Variants in PTPRT observed in about 807,000 individuals in gnomAD.
The protein encoded by PTPRT is protein tyrosine phosphatase receptor type T, also known as receptor-type tyrosine-protein phosphatase T.
PTPRT carries 56 observed loss-of-function variants against 176.8 expected under a neutral mutation model. The observed-to-expected ratio is 0.32, with a 90% CI of 0.26 to 0.40. The LOEUF is 0.40. Among genes scored for constraint, PTPRT ranks in the 10% least tolerant of loss-of-function variants. The pLI, the probability that PTPRT is intolerant of heterozygous loss-of-function variation, is 1.00. For synonymous variants in PTPRT, 783 were observed against 739.0 expected (o/e 1.06, Z -0.96); for missense variants, 1,540 against 1,908.2 (o/e 0.81, Z 3.60).
intron 6 of PTPRT, among the ~76,000 whole-genome samples, chr20:42,720,227 C>T (rs747037922): frequency 2.6e-5 from 4 of 152,152 alleles, no homozygotes; most frequent in Non-Finnish European, 5.9e-5. Flanking sequence ...TGTACCGAAC[C>T]GTGGGCTTAC....
intron 1 of PTPRT, among the ~76,000 whole-genome samples, chr20:43,167,244 C>A (rs1445318502): frequency 6.6e-6 from 1 of 152,170 alleles, no homozygotes; most frequent in African/African-American, 2.4e-5. Context: ...AGACATACAG[C>A]AACAAAGAAA....
intron 7 of PTPRT, among the ~76,000 whole-genome samples, chr20:42,570,738 C>T (rs1448013474): frequency 6.6e-6 from 1 of 152,052 alleles, no homozygotes; most frequent in East Asian, 1.9e-4. Flanking sequence ...AGAAGATTTC[C>T]CCTCTTCCTC....
intron 7 of PTPRT, among the ~76,000 whole-genome samples, chr20:42,671,420 C>A (rs2075410659): frequency 6.6e-6 from 1 of 152,292 alleles, no homozygotes; most frequent in East Asian, 1.9e-4. Context: ...TAAGACCCAA[C>A]TCCTATCACA....
chr20:43,115,473 C>T (rs913199528), intron 1 of PTPRT, among the ~76,000 whole-genome samples: 5 of 152,126 alleles, frequency 3.3e-5, no homozygotes, highest in Admixed American at 6.5e-5. Context: ...GATACCCCAT[C>T]GATGATACCA....
intron 3 of PTPRT, among the ~76,000 whole-genome samples, chr20:42,786,073 C>G (rs1331670410): frequency 6.6e-6 from 1 of 152,096 alleles, no homozygotes; most frequent in African/African-American, 2.4e-5. Flanking sequence ...TTTGACAGTT[C>G]CTCCTTCACA....
chr20:42,738,484 G>A (rs1268157884), intron 6 of PTPRT, among the ~76,000 whole-genome samples: 10 of 151,926 alleles, frequency 6.6e-5, no homozygotes, highest in Admixed American at 4.6e-4. Flanking sequence ...ACTTCAGCCT[G>A]GGCAACAGAG....
At chr20:42,997,591 T>C (rs1984293444) in intron 1 of PTPRT, among the ~76,000 whole-genome samples, 1 of 152,138 alleles carries the variant, frequency 6.6e-6, no homozygotes, top group African/African-American at 2.4e-5. Context: ...AAAATGAATA[T>C]GCATGAGCAA....
In PTPRT at chr20:42,278,073, CTATATATATATA is replaced by C. The variant is rs777694770; in HGVS notation, c.2176+4404_2176+4415del. Among the ~76,000 whole-genome samples the C allele has an allele frequency of 8.3e-3, 323 of 39,148 alleles. 1 individual carries two copies. Among genetic ancestry groups the C allele is most frequent in the Non-Finnish European group, 0.013 (240 of 18,756 alleles). The allele number at this position is 39,148 out of a possible 152,430, so 25.7% of individuals were successfully genotyped here. ...GATAGACATTAAACATGTAAGTAGA[CTATATATATATA>C]TATATATATATATATATATATATAT... is the stretch of plus-strand genomic sequence containing the variant. On this transcript the variant is annotated intron_variant, in intron 13 of 30. Transcript: ENST00000373187.
intron 13 of PTPRT, among the ~76,000 whole-genome samples, chr20:42,262,226 C>A (rs2056761978): frequency 1.3e-5 from 2 of 152,136 alleles, no homozygotes; most frequent in African/African-American, 4.8e-5. Flanking sequence ...GATCTGTTCC[C>A]CTCCCCAAAG....
chr20:43,113,162 T>C (rs2012932820), intron 1 of PTPRT, among the ~76,000 whole-genome samples: 2 of 152,218 alleles, frequency 1.3e-5, no homozygotes, highest in Admixed American at 1.3e-4. Flanking sequence ...TGTCTCCTTC[T>C]TTTAATTAAC....
At chr20:42,181,900 A>T (rs1414202109) in intron 16 of PTPRT, among the ~76,000 whole-genome samples, 8 of 143,040 alleles carry the variant, frequency 5.6e-5, no homozygotes, top group Non-Finnish European at 8.9e-5. Context: ...TAGTAAAATT[A>T]AAAAAAAACA....
chr20:42,456,716 T>C (rs978764290), intron 8 of PTPRT, among the ~76,000 whole-genome samples: 5 of 152,186 alleles, frequency 3.3e-5, no homozygotes, highest in African/African-American at 4.8e-5. Flanking sequence ...TGCATATTTA[T>C]GCAGTTTCAG....
At chr20:43,156,339 G>C (rs937818348) in intron 1 of PTPRT, among the ~76,000 whole-genome samples, 1 of 152,132 alleles carries the variant, frequency 6.6e-6, no homozygotes, top group African/African-American at 2.4e-5. Flanking sequence ...AGAAAACTGA[G>C]ACCCAAAAAA....
At chr20:42,690,850 G>T (rs914696299) in intron 6 of PTPRT, among the ~76,000 whole-genome samples, 2 of 152,164 alleles carry the variant, frequency 1.3e-5, no homozygotes, top group Non-Finnish European at 2.9e-5. Flanking sequence ...TAAAATCAGG[G>T]TCATGGTCAT....
At chr20:42,217,760 A>C (rs1425110047) in intron 15 of PTPRT, among the ~76,000 whole-genome samples, 2 of 152,180 alleles carry the variant, frequency 1.3e-5, no homozygotes, top group Non-Finnish European at 2.9e-5. Context: ...CATGTCAATA[A>C]AAATGTCTCT....
chr20:42,843,287 A>G lies in PTPRT; in HGVS notation c.214+42520T>C, dbSNP rs1274639244. Among the ~76,000 whole-genome samples, 5 of 152,352 alleles carry G rather than the reference A, an allele frequency of 3.3e-5. No individual in the cohort carries two copies. The East Asian group carries it at 9.7e-4, about 29-fold the overall frequency. ...AATTACACAGTGCACATCTCATGCCACACCCGGCCTTCGTATGCTGATGGA... is the reference window on the plus strand; with the variant it reads ...AATTACACAGTGCACATCTCATGCCGCACCCGGCCTTCGTATGCTGATGGA... On this transcript the variant is annotated intron_variant, in intron 2 of 30. Coordinates refer to ENST00000373187, the MANE Select transcript of PTPRT (RefSeq NM_007050.6).
At chr20:42,044,039 A>C in the PTPRT span, among the ~76,000 whole-genome samples, 3 of 152,338 alleles carry the variant, frequency 2.0e-5, no homozygotes, top group East Asian at 5.8e-4. Flanking sequence ...AGCATGCCAG[A>C]GCTCAGCACT....
chr20:42,868,574 G>T (rs1458718344), intron 2 of PTPRT, among the ~76,000 whole-genome samples: 2 of 152,176 alleles, frequency 1.3e-5, no homozygotes, highest in African/African-American at 4.8e-5. Context: ...AGAGCTTAAA[G>T]ATTTTGAAAA....
intron 13 of PTPRT, among the ~76,000 whole-genome samples, chr20:42,259,880 C>A (rs866528491): frequency 8.5e-5 from 13 of 152,202 alleles, no homozygotes; most frequent in African/African-American, 1.7e-4. Flanking sequence ...GCCCAGTGAC[C>A]TCCACATGGA....
Sources: gnomAD v4.1 joint callset for allele counts (sites outside exome capture counted in the v4.1 genomes callset) on GRCh38, gnomAD v4.1.1 for gene constraint, MANE v1.5 for transcripts, NCBI Gene and HGNC (gene_info 2026-07-23, HGNC 2026-07-21) for gene names.